Variants in DNAAF9 observed in about 807,000 individuals in gnomAD.
DNAAF9 encodes the protein dynein axonemal assembly factor 9.
In DNAAF9, 90 loss-of-function variants were observed where a neutral mutation model predicts 167.0. The observed-to-expected ratio is 0.54, with a 90% CI of 0.45 to 0.64. DNAAF9 has a LOEUF of 0.64. Ranked by LOEUF, DNAAF9 falls within the 30% of genes least tolerant of loss-of-function variation. The pLI is 0.00. For missense variants in DNAAF9, 1,315 were observed against 1,442.2 expected, an observed-to-expected ratio of 0.91 and a Z score of 1.43; for synonymous variants, 491 against 508.8, an observed-to-expected ratio of 0.96 and a Z score of 0.47.
At chr20:3,307,241 A>G (rs1217220856) in intron 20 of DNAAF9, 4 of 708,258 alleles carry the variant, frequency 5.6e-6, no homozygotes, top group Non-Finnish European at 5.2e-6. Context: ...GTGCTGGAAG[A>G]GCTCATTATG....
At chr20:3,391,034 A>T (rs1424547376) in intron 1 of DNAAF9, among the ~76,000 whole-genome samples, 1 of 152,160 alleles carries the variant, frequency 6.6e-6, no homozygotes. Flanking sequence ...CAGCTCCCCA[A>T]CTACTGCTGT....
intron 9 of DNAAF9, among the ~76,000 whole-genome samples, chr20:3,341,970 G>T (rs2070095955): frequency 6.6e-6 from 1 of 152,040 alleles, no homozygotes; most frequent in Non-Finnish European, 1.5e-5. Flanking sequence ...GTGGAGATGG[G>T]GTTTCACCGT....
At chr20:3,349,373 C>G (rs1390502335) in intron 7 of DNAAF9, among the ~76,000 whole-genome samples, 1 of 151,964 alleles carries the variant, frequency 6.6e-6, no homozygotes, top group East Asian at 1.9e-4. Context: ...CAGAACGAGA[C>G]TCTGTCTGAA....
rs753964965 is a variant in DNAAF9 at position 3,259,505 on chromosome 20, G to A, written c.3030C>T (p.His1010=). ...CTGAAAACTTCACTTTGCCCAGGAT[G>A]TGGTAGATGTTTCCGGAGAAGGGAC... ...KPSPFSGNIY[H]ILGKVKFSDS... Residue 1010 remains histidine, a synonymous_variant, in exon 33 of 37, where the codon CAC becomes CAT. Transcript: ENST00000252032. The A allele has an allele frequency of 6.2e-7, 1 of 1,612,190 alleles. No homozygotes were observed. The highest frequency in any genetic ancestry group is 8.5e-7 in the Non-Finnish European group (1 of 1,178,198).
At chr20:3,318,730 G>A (rs761257845) in intron 16 of DNAAF9, among the ~76,000 whole-genome samples, 1 of 151,990 alleles carries the variant, frequency 6.6e-6, no homozygotes, top group Admixed American at 6.6e-5. Flanking sequence ...GGAGGTCAAG[G>A]AACCCAGGAG....
At chr20:3,280,206 T>A (rs2068742368) in intron 28 of DNAAF9, among the ~76,000 whole-genome samples, 2 of 152,156 alleles carry the variant, frequency 1.3e-5, no homozygotes, top group South Asian at 4.1e-4. Context: ...AGAATAGAAC[T>A]CACTGACTTC....
chr20:3,376,359 T>G (rs565152374), intron 3 of DNAAF9, 57 bp from the exon 4 acceptor site: 2 of 1,419,622 alleles, frequency 1.4e-6, no homozygotes, highest in South Asian at 2.6e-5. Context: ...TTTTAGATAT[T>G]TTCTGCCCAC....
At chr20:3,297,941 T>C (rs1458262641) in intron 22 of DNAAF9, 88 bp downstream of exon 22, 9 of 1,033,184 alleles carry the variant, frequency 8.7e-6, no homozygotes, top group Non-Finnish European at 6.0e-6. Context: ...ATCACTTCAC[T>C]GTTAGCCCCA....
intron 3 of DNAAF9, among the ~76,000 whole-genome samples, chr20:3,376,976 G>A (rs996453772): frequency 6.6e-6 from 1 of 152,214 alleles, no homozygotes; most frequent in Non-Finnish European, 1.5e-5. Flanking sequence ...GGCTGAGGCA[G>A]GAGAGTCATT....
intron 16 of DNAAF9, among the ~76,000 whole-genome samples, chr20:3,319,097 A>AG (rs1416860025): frequency 8.0e-6 from 1 of 124,440 alleles, no homozygotes; most frequent in East Asian, 2.0e-4. Context: ...AAAAAAAAAA[A>AG]AAAAAAAGAA....
rs2069846392 is a variant in DNAAF9 at position 3,332,375 on chromosome 20, A to C, written c.982-14T>G. 1 of 1,413,008 alleles carries C rather than the reference A, an allele frequency of 7.1e-7. No individual in the cohort carries two copies. Among genetic ancestry groups the C allele is most frequent in the African/African-American group, 1.4e-5 (1 of 70,802 alleles). The allele number at this position is 1,413,008 out of a possible 1,614,324, so 87.5% of individuals were successfully genotyped here. On this transcript the variant is annotated splice_polypyrimidine_tract_variant and intron_variant, in intron 10 of 36. Coordinates refer to ENST00000252032, the MANE Select transcript of DNAAF9 (RefSeq NM_001009984.3). ...ACACTGGGCTACCTGGATGTCAGAA[A>C]AAAATAAAAATAAAAAGGGGCAATA...
chr20:3,309,334 T>C (rs1043613011), intron 20 of DNAAF9, among the ~76,000 whole-genome samples: 1 of 152,178 alleles, frequency 6.6e-6, no homozygotes, highest in Non-Finnish European at 1.5e-5. Context: ...TTTAGTATAG[T>C]GTTATAATTT....
At chr20:3,304,661 T>C (rs1568592496) in intron 20 of DNAAF9, 118 bp from the exon 21 acceptor site, 6 of 629,016 alleles carry the variant, frequency 9.5e-6, no homozygotes, top group African/African-American at 1.9e-5. Flanking sequence ...AATTACGTTA[T>C]GCGATTTGTA....
chr20:3,318,406 TTGAATGAGAA>T lies in DNAAF9; in HGVS notation c.1357-16_1357-7del. On this transcript the variant is annotated splice_polypyrimidine_tract_variant and splice_region_variant and intron_variant, in intron 16 of 36. Transcript: ENST00000252032. ...TCATAGACGGCCATACAAGCCTGCA[TTGAATGAGAA>T]ACCAGTTAGATCAGTTACCAGCCCA... is the stretch of plus-strand genomic sequence containing the variant. The T allele has an allele frequency of 6.8e-7, 1 of 1,473,712 alleles. No individual in the cohort carries two copies. The highest frequency in any genetic ancestry group is 9.5e-7 in the Non-Finnish European group (1 of 1,053,446). 91.3% of individuals were successfully genotyped at this position (1,473,712 alleles called of 1,614,324 possible). A position where few individuals can be genotyped will look rare whatever the true frequency, so the allele number is the denominator to read the frequency against.
chr20:3,324,318 T>G (rs930146732), intron 14 of DNAAF9, among the ~76,000 whole-genome samples: 2 of 152,162 alleles, frequency 1.3e-5, no homozygotes, highest in Non-Finnish European at 2.9e-5. Flanking sequence ...TTGTATCCTT[T>G]GTATAAAAGT....
intron 30 of DNAAF9, among the ~76,000 whole-genome samples, chr20:3,268,758 T>G (rs1330179935): frequency 6.6e-6 from 1 of 152,188 alleles, no homozygotes; most frequent in African/African-American, 2.4e-5. Context: ...TTTATCTGAA[T>G]TGAGCAAACA....
chr20:3,264,309 C>CA (rs2068446460), intron 31 of DNAAF9, 129 bp downstream of exon 31: 2 of 624,462 alleles, frequency 3.2e-6, no homozygotes, highest in Non-Finnish European at 5.8e-6. Context: ...CAGGCCGTGC[C>CA]AGCTGCCATG....
intron 28 of DNAAF9, 91 bp downstream of exon 28, chr20:3,281,550 G>T: frequency 8.2e-7 from 1 of 1,223,240 alleles, no homozygotes; most frequent in Non-Finnish European, 1.1e-6. Context: ...CTACATACAA[G>T]GTGACTAATG....
chr20:3,376,316 A>C lies in DNAAF9; in HGVS notation c.284-14T>G. 2 of 1,591,070 alleles carry C rather than the reference A, an allele frequency of 1.3e-6. No individual in the cohort carries two copies. Among genetic ancestry groups the C allele is most frequent in the Non-Finnish European group, 8.6e-7 (1 of 1,169,120 alleles). ...ATATAATTACATCTGTAAGAAAAAC[A>C]AAATCAAAACACAAGACTGTCAAAC... is the stretch of plus-strand genomic sequence containing the variant. On this transcript the variant is annotated splice_polypyrimidine_tract_variant and intron_variant, in intron 3 of 36. Transcript: ENST00000252032.
Sources: allele counts gnomAD v4.1 joint callset (sites outside exome capture counted in the v4.1 genomes callset), GRCh38; gene constraint gnomAD v4.1.1; transcripts MANE v1.5; gene names NCBI Gene and HGNC (gene_info 2026-07-23, HGNC 2026-07-21).